Variants in PC observed in about 807,000 individuals in gnomAD.
The protein encoded by PC is pyruvate carboxylase, mitochondrial.
A neutral mutation model predicts 107.8 loss-of-function variants in PC; 46 were observed. That is an observed-to-expected ratio of 0.43 (90% CI 0.34 to 0.55). PC has a LOEUF of 0.55. Ranked by LOEUF, PC falls within the 20% of genes least tolerant of loss-of-function variation. The pLI is 0.04. For missense variants in PC, 1,241 were observed against 1,643.1 expected (o/e 0.76, Z 4.23); for synonymous variants, 662 against 684.7 (o/e 0.97, Z 0.52).
intron 1 of PC, among the ~76,000 whole-genome samples, chr11:66,956,404 G>A (rs1949562222): frequency 6.6e-6 from 1 of 151,974 alleles, no homozygotes; most frequent in East Asian, 1.9e-4. Flanking sequence ...GGCCAACATG[G>A]TGAAACCCCA....
At chr11:66,949,272 G>A (rs1001276802) in intron 3 of PC, among the ~76,000 whole-genome samples, 5 of 151,764 alleles carry the variant, frequency 3.3e-5, no homozygotes, top group East Asian at 3.9e-4. Flanking sequence ...GATTACAGGC[G>A]TGAGCCACCC....
intron 3 of PC, among the ~76,000 whole-genome samples, chr11:66,916,619 G>A (rs1199998046): frequency 6.6e-6 from 1 of 152,158 alleles, no homozygotes; most frequent in Non-Finnish European, 1.5e-5. Context: ...CAATAAACGT[G>A]GAAGGGAGAA....
Position 66,866,297 on chromosome 11 carries a change from C to A in PC, c.1075G>T (p.Asp359Tyr), listed in dbSNP as rs780215837. 1 of 1,612,664 alleles carries A rather than the reference C, an allele frequency of 6.2e-7. No individual in the cohort carries two copies. The highest frequency in any genetic ancestry group is 1.7e-5 in the Admixed American group (1 of 59,928). The change falls in exon 11 of 23, where the codon GAC becomes TAC. Residue 359 changes from aspartate to tyrosine, a missense_variant. Coordinates refer to ENST00000393960, the MANE Select transcript of PC (RefSeq NM_001040716.2). This position sits in a 1 kb window ranked among gnomAD's most constrained non-coding sequence, Gnocchi z 5.4. The stretch of plus-strand genomic sequence containing the variant: ...ATGTTCTCCTGCCGCAGGCCCAGGT[C>A]GGGTAGGCTCCTGCCCTCAGCCACG... ...IHVAEGRSLP[D>Y]LGLRQENIRI...
intron 3 of PC, among the ~76,000 whole-genome samples, chr11:66,947,799 C>A (rs1264643374): frequency 6.7e-6 from 1 of 150,278 alleles, no homozygotes; most frequent in African/African-American, 2.5e-5. Flanking sequence ...CCCCTCTCTA[C>A]TAAAAATACA....
chr11:66,851,703 A>G (rs1945499308), intron 16 of PC, 87 bp downstream of exon 16: 2 of 1,368,794 alleles, frequency 1.5e-6, no homozygotes, highest in Non-Finnish European at 2.1e-6. Flanking sequence ...TGTCAGGCTG[A>G]CCGTGGAGAA....
At chr11:66,860,664 T>TCTGAC (rs1946208627) in intron 12 of PC, 1 of 701,510 alleles carries the variant, frequency 1.4e-6, no homozygotes, top group Non-Finnish European at 2.6e-6. Flanking sequence ...CCTGGTGTCT[T>TCTGAC]CTGACCTGCA....
rs989137695 is a variant in PC at position 66,870,959 on chromosome 11, C to G, written c.634-67G>C. 1 of 1,605,798 alleles carries G rather than the reference C, an allele frequency of 6.2e-7. No homozygotes were observed. The highest frequency in any genetic ancestry group is 1.3e-5 in the African/African-American group (1 of 74,936). ...AGCGCTACCTCTCCCCTGCCATGAACCCCACCCACTTTCCAGATCCCTTGA... is the reference window on the plus strand; with the variant it reads ...AGCGCTACCTCTCCCCTGCCATGAAGCCCACCCACTTTCCAGATCCCTTGA... On this transcript the variant is annotated intron_variant, in intron 7 of 22. Coordinates refer to ENST00000393960, the MANE Select transcript of PC (RefSeq NM_001040716.2). The surrounding 1 kb of genome is among the most constrained non-coding windows in gnomAD (Gnocchi z 6.1).
chr11:66,939,174 A>T (rs1384010530), intron 3 of PC, among the ~76,000 whole-genome samples: 1 of 152,250 alleles, frequency 6.6e-6, no homozygotes, highest in Non-Finnish European at 1.5e-5. Flanking sequence ...AAAAAGCAAA[A>T]TAAAAAATGA....
rs1366843224 is a variant in PC, at chr11:66,866,561, A to G, written c.1023-212T>C. On this transcript the variant is annotated intron_variant, in intron 10 of 22. Transcript: ENST00000393960. This position sits in a 1 kb window ranked among gnomAD's most constrained non-coding sequence, Gnocchi z 5.4. ...CCGCCGGGAGCCGACTAAACTACAC[A>G]GTGCCTGGCAGCTGGAGATGGCCCG... is the stretch of plus-strand genomic sequence containing the variant. Among the ~76,000 whole-genome samples the G allele has an allele frequency of 1.3e-5, 2 of 152,072 alleles. No homozygotes were observed. The highest frequency in any genetic ancestry group is 2.4e-5 in the African/African-American group (1 of 41,424).
At chr11:66,897,087 A>C (rs1253923848) in intron 3 of PC, among the ~76,000 whole-genome samples, 1 of 151,762 alleles carries the variant, frequency 6.6e-6, no homozygotes, top group African/African-American at 2.4e-5. Flanking sequence ...GCGCACCACC[A>C]TGCCTGGCTG....
intron 12 of PC, among the ~76,000 whole-genome samples, chr11:66,860,822 G>A (rs1429863210): frequency 2.0e-5 from 3 of 152,236 alleles, no homozygotes; most frequent in Non-Finnish European, 4.4e-5. Context: ...GGGTCTGCGG[G>A]GCGGACACAG....
intron 12 of PC, among the ~76,000 whole-genome samples, chr11:66,856,350 T>C (rs947578434): frequency 1.4e-5 from 2 of 138,200 alleles, no homozygotes; most frequent in Non-Finnish European, 1.6e-5. Context: ...CCGGAACGCC[T>C]GGCCCGCGGG....
chr11:66,915,938 C>T (rs1459951824), intron 3 of PC, among the ~76,000 whole-genome samples: 2 of 152,292 alleles, frequency 1.3e-5, no homozygotes. Flanking sequence ...CTACCCCTCC[C>T]ATAGTCTCAG....
intron 3 of PC, among the ~76,000 whole-genome samples, chr11:66,908,084 C>T (rs900065773): frequency 6.6e-6 from 1 of 152,034 alleles, no homozygotes. Flanking sequence ...GGAAGAGCGG[C>T]GGTCAAAAGC....
chr11:66,874,365 G>A (rs1946895537), intron 3 of PC, among the ~76,000 whole-genome samples: 1 of 152,198 alleles, frequency 6.6e-6, no homozygotes, highest in Non-Finnish European at 1.5e-5. Context: ...TAGCATTACA[G>A]GTGTGAGCCA....
intron 3 of PC, among the ~76,000 whole-genome samples, chr11:66,925,399 C>A (rs1335573697): frequency 6.6e-6 from 1 of 152,198 alleles, no homozygotes; most frequent in East Asian, 1.9e-4. Context: ...ATCTCTTTCT[C>A]AGGGATGTTC....
rs2135804472 is a variant in PC, at chr11:66,851,226, G to T, written c.2037C>A (p.Ser679=). ...GCAGCATGTTGGGCAAGTAGTTGAGGGAGTCAAACACACGGAAGACATCCA... is the reference window on the plus strand; with the variant it reads ...GCAGCATGTTGGGCAAGTAGTTGAGTGAGTCAAACACACGGAAGACATCCA... ...NGMDVFRVFD[S]LNYLPNMLLG... is the part of the protein sequence containing the mutation. The change falls in exon 17 of 23, where the codon TCC becomes TCA. Residue 679 remains serine, a synonymous_variant. Coordinates refer to ENST00000393960, the MANE Select transcript of PC (RefSeq NM_001040716.2). 6.2e-7 allele frequency: 1 copy of T among 1,606,534 alleles called. No homozygotes were observed. Among genetic ancestry groups the T allele is most frequent in the Admixed American group, 1.7e-5 (1 of 60,028 alleles).
chr11:66,850,673 C>G lies in PC; in HGVS notation c.2473+1G>C, dbSNP rs1304770743. Reference sequence around the variant, plus strand: ...TGGCCACGGGCTGCTGTTCTTCCTACCTGTGTCCAGGGGAGTCCCTCTGGT... The same window carrying G: ...TGGCCACGGGCTGCTGTTCTTCCTAGCTGTGTCCAGGGGAGTCCCTCTGGT... On this transcript the variant is annotated splice_donor_variant, in intron 18 of 22. Coordinates refer to ENST00000393960, the MANE Select transcript of PC (RefSeq NM_001040716.2). LOFTEE classifies it high-confidence loss of function. 6.2e-7 allele frequency: 1 copy of G among 1,608,720 alleles called. No individual in the cohort carries two copies. The highest frequency in any genetic ancestry group is 8.5e-7 in the Non-Finnish European group (1 of 1,179,800).
chr11:66,861,510 C>T (rs971237137), intron 12 of PC, among the ~76,000 whole-genome samples: 6 of 152,248 alleles, frequency 3.9e-5, no homozygotes, highest in African/African-American at 1.4e-4. Context: ...ACGCGTGTGC[C>T]TGCCCTCCCA....
Sources: allele counts gnomAD v4.1 joint callset (sites outside exome capture counted in the v4.1 genomes callset), GRCh38; gene constraint gnomAD v4.1.1; non-coding constraint Gnocchi (gnomAD v3.1); transcripts MANE v1.5; gene names NCBI Gene and HGNC (gene_info 2026-07-23, HGNC 2026-07-21).